Variants in SHISA9 observed in about 807,000 individuals in gnomAD.
SHISA9 encodes the protein shisa family member 9, also known as protein shisa-9.
Under a neutral mutation model 38.0 loss-of-function variants are expected in SHISA9, and 13 were observed. That is an observed-to-expected ratio of 0.34 (90% CI 0.22 to 0.54). The LOEUF is 0.54. SHISA9 is among the 20% of genes least tolerant of loss of function. The probability of loss-of-function intolerance (pLI) is 0.91; values close to 1 mark genes in which losing one functional copy is unlikely to be tolerated. For missense variants in SHISA9, 538 were observed against 575.8 expected, an observed-to-expected ratio of 0.93 and a Z score of 0.67; for synonymous variants, 275 against 242.0, an observed-to-expected ratio of 1.14 and a Z score of -1.27.
chr16:13,428,926 T>C, the SHISA9 span, among the ~76,000 whole-genome samples: 2 of 151,962 alleles, frequency 1.3e-5, no homozygotes, highest in African/African-American at 2.4e-5. Flanking sequence ...CCACCAGGCC[T>C]GACTAATTTT....
the SHISA9 span, among the ~76,000 whole-genome samples, chr16:13,532,869 T>G: frequency 6.6e-6 from 1 of 152,230 alleles, no homozygotes; most frequent in East Asian, 1.9e-4. Context: ...TATTCCTGTC[T>G]TCCATCCTCG....
At chr16:13,209,209 G>A (rs759502094) in intron 3 of SHISA9, among the ~76,000 whole-genome samples, 5 of 152,106 alleles carry the variant, frequency 3.3e-5, no homozygotes, top group Admixed American at 3.3e-4. Flanking sequence ...ACCCAGACCA[G>A]AGTTATCTGC....
At chr16:13,178,858 TTG>T (rs1555468471) in intron 2 of SHISA9, among the ~76,000 whole-genome samples, 1 of 150,974 alleles carries the variant, frequency 6.6e-6, no homozygotes, top group South Asian at 2.1e-4. Flanking sequence ...GTTGTTGTTG[TTG>T]TTGTTTGTTT....
chr16:12,927,136 G>A (rs780145547), intron 2 of SHISA9, among the ~76,000 whole-genome samples: 9 of 151,786 alleles, frequency 5.9e-5, no homozygotes, highest in African/African-American at 1.5e-4. Flanking sequence ...TACTAATATC[G>A]TAATACATAT....
At chr16:13,386,546 A>T in the SHISA9 span, among the ~76,000 whole-genome samples, 1 of 152,236 alleles carries the variant, frequency 6.6e-6, no homozygotes, top group African/African-American at 2.4e-5. Flanking sequence ...AGAATCTAAT[A>T]AATTAATACA....
At chr16:13,087,147 C>CTTTTTTTT (rs956913326) in intron 2 of SHISA9, among the ~76,000 whole-genome samples, 3 of 81,622 alleles carry the variant, frequency 3.7e-5, no homozygotes, top group Admixed American at 1.5e-4. Flanking sequence ...ATGAACTCGT[C>CTTTTTTTT]TTTTTTTTTT....
intron 2 of SHISA9, among the ~76,000 whole-genome samples, chr16:12,926,596 T>C (rs549345043): frequency 6.6e-6 from 1 of 152,264 alleles, no homozygotes; most frequent in East Asian, 1.9e-4. Flanking sequence ...AATTGCAAAG[T>C]AGCATGGTGG....
intron 2 of SHISA9, among the ~76,000 whole-genome samples, chr16:13,121,995 C>T (rs2050216131): frequency 6.6e-6 from 1 of 152,086 alleles, no homozygotes; most frequent in Non-Finnish European, 1.5e-5. Flanking sequence ...ATACTGTTCA[C>T]ATAAACTACT....
chr16:13,513,064 G>C, the SHISA9 span, among the ~76,000 whole-genome samples: 2 of 152,270 alleles, frequency 1.3e-5, no homozygotes, highest in African/African-American at 4.8e-5. Context: ...GCATCAGAGT[G>C]AATAGGCAAC....
chr16:13,096,721 T>G (rs1198637484), intron 2 of SHISA9, among the ~76,000 whole-genome samples: 1 of 152,188 alleles, frequency 6.6e-6, no homozygotes, highest in Non-Finnish European at 1.5e-5. Flanking sequence ...CTTTATTAGA[T>G]GTAGACTTTC....
In SHISA9 at chr16:13,022,242, C is replaced by G. The variant is rs181650755; in HGVS notation, c.691+105427C>G. Among the ~76,000 whole-genome samples the G allele has an allele frequency of 3.9e-4, 60 of 152,216 alleles. 2 individuals are homozygous for G. Among genetic ancestry groups the G allele is most frequent in the African/African-American group, 1.4e-3 (58 of 41,540 alleles). ...TCACAGCTCACTGCAGCTTTGAATT[C>G]CTGGACTGAAGCCATCCTCTCACCT... On this transcript the variant is annotated intron_variant, in intron 2 of 4. Coordinates refer to ENST00000558583, the MANE Select transcript of SHISA9 (RefSeq NM_001145204.3).
chr16:13,127,225 G>C (rs1276456997), intron 2 of SHISA9, among the ~76,000 whole-genome samples: 1 of 139,936 alleles, frequency 7.1e-6, no homozygotes, highest in Non-Finnish European at 1.6e-5. Context: ...AAGAGAGGGA[G>C]GGGGAGAAAG....
At chr16:13,076,954 G>C (rs546003148) in intron 2 of SHISA9, among the ~76,000 whole-genome samples, 4 of 152,140 alleles carry the variant, frequency 2.6e-5, no homozygotes, top group Non-Finnish European at 5.9e-5. Flanking sequence ...ACCTTAGCTC[G>C]TAGTGTCAAT....
chr16:12,993,911 G>A (rs2072422859), intron 2 of SHISA9, among the ~76,000 whole-genome samples: 1 of 152,124 alleles, frequency 6.6e-6, no homozygotes, highest in African/African-American at 2.4e-5. Flanking sequence ...TGGGGGACAG[G>A]AAAGAGGGAG....
At chr16:13,044,630 A>G (rs1024121322) in intron 2 of SHISA9, among the ~76,000 whole-genome samples, 4 of 152,174 alleles carry the variant, frequency 2.6e-5, no homozygotes, top group Admixed American at 2.0e-4. Flanking sequence ...GATGGTTAGT[A>G]AGGACAGATG....
the SHISA9 span, among the ~76,000 whole-genome samples, chr16:13,301,376 G>A: frequency 2.0e-5 from 3 of 152,322 alleles, no homozygotes; most frequent in South Asian, 2.1e-4. Flanking sequence ...TGAGGCACGA[G>A]ATTCTGCATT....
At chr16:13,292,270 A>C in the SHISA9 span, among the ~76,000 whole-genome samples, 1 of 151,882 alleles carries the variant, frequency 6.6e-6, no homozygotes, top group African/African-American at 2.4e-5. Flanking sequence ...TATTGCTTTT[A>C]AACCAGGCCA....
chr16:13,314,550 T>C, the SHISA9 span, among the ~76,000 whole-genome samples: 1,649 of 152,214 alleles, frequency 0.011, 31 homozygotes, highest in African/African-American at 0.036. Context: ...TATTTCATTT[T>C]ATTTTTAACA....
chr16:13,223,715 G>A (rs978909376), intron 4 of SHISA9, among the ~76,000 whole-genome samples: 2 of 152,202 alleles, frequency 1.3e-5, no homozygotes, highest in Admixed American at 1.3e-4. Context: ...AGTTCCACTT[G>A]GCTGGGGAGG....
Sources: gnomAD v4.1 joint callset for allele counts (sites outside exome capture counted in the v4.1 genomes callset) on GRCh38, gnomAD v4.1.1 for gene constraint, MANE v1.5 for transcripts, NCBI Gene and HGNC (gene_info 2026-07-23, HGNC 2026-07-21) for gene names.